FAT1: variants seen among roughly 807,000 people sequenced by gnomAD.
The protein encoded by FAT1 is FAT atypical cadherin 1.
FAT1 carries 171 observed loss-of-function variants against 329.8 expected under a neutral mutation model. The observed-to-expected ratio is 0.52, with a 90% CI of 0.46 to 0.59. The LOEUF (loss-of-function observed/expected upper bound fraction) is 0.59. Among genes scored for constraint, FAT1 ranks in the 20% least tolerant of loss-of-function variants. FAT1 has a pLI of 0.00. For missense variants in FAT1, 5,672 were observed against 5,774.4 expected (o/e 0.98, Z 0.57); for synonymous variants, 2,233 against 2,228.6 (o/e 1.00, Z -0.06).
rs562587924 is a variant in FAT1, at chr4:186,603,312, G to A, written c.11214C>T (p.Cys3738=). Residue 3738 remains cysteine (C), a synonymous_variant, in exon 19 of 27, where the codon TGC becomes TGT. Coordinates refer to ENST00000441802, the MANE Select transcript of FAT1 (RefSeq NM_005245.4). ...ACTTCCAGGGGCAGTCCAGTCCCGC[G>A]CAGAGTTTCTGGAATACATTCAGTA... ...VRILNVFQKL[C]AGLDCPWKFC... 7.4e-6 allele frequency: 12 copies of A among 1,613,930 alleles called. No individual in the cohort carries two copies. The highest frequency in any genetic ancestry group is 6.7e-5 in the East Asian group (3 of 44,860).
intron 9 of FAT1, among the ~76,000 whole-genome samples, chr4:186,625,466 T>A (rs749891796): frequency 1.4e-4 from 21 of 152,218 alleles, no homozygotes; most frequent in Non-Finnish European, 2.4e-4. Context: ...CTAGAACACA[T>A]CAGTAAGTTT....
At chr4:186,703,068 C>T (rs993054948) in intron 2 of FAT1, among the ~76,000 whole-genome samples, 1 of 152,142 alleles carries the variant, frequency 6.6e-6, no homozygotes, top group East Asian at 1.9e-4. Flanking sequence ...CCTTCCAGAC[C>T]TCACATGGAA....
chr4:186,609,874 G>T lies in FAT1; in HGVS notation c.9995C>A (p.Thr3332Asn). Residue 3332 changes from threonine (T) to asparagine (N), a missense_variant, in exon 15 of 27, where the codon ACC (threonine) becomes AAC (asparagine). Physicochemically the swap from Thr to Asn is moderately conservative, Grantham distance 65. This residue lies in a region of FAT1 where 1,706 missense variants were observed against 1,859.1 expected (regional missense o/e 0.92). Transcript: ENST00000441802. Reference protein sequence around the residue: ...NVNVTDINDNTPVFSQDTYTT... With the variant: ...NVNVTDINDNNPVFSQDTYTT... ...GTAGGTGTCTTGGCTGAACACAGGG[G>T]TATTATCGTTGATATCTGTTACATT... The T allele has an allele frequency of 1.9e-6, 3 of 1,613,540 alleles. No individual in the cohort carries two copies. The highest frequency in any genetic ancestry group is 2.5e-6 in the Non-Finnish European group (3 of 1,179,506).
At chr4:186,674,901 G>T (rs1390343059) in intron 2 of FAT1, among the ~76,000 whole-genome samples, 1 of 152,098 alleles carries the variant, frequency 6.6e-6, no homozygotes, top group Non-Finnish European at 1.5e-5. Flanking sequence ...AAGCATGGTG[G>T]CAGGCACCTG....
chr4:186,618,642 A>G lies in FAT1; in HGVS notation c.7944T>C (p.Ile2648=), dbSNP rs1185919188. ...TAGTGATTACGCCGGACAGTTTGTT[A>G]ATTTCCAAATTCTCTTTTACACTTT... ...DSESVKENLE[I]NKLSGVITTK... is the part of the protein sequence containing the mutation. The change falls in exon 10 of 27, where the codon ATT becomes ATC. Residue 2648 remains isoleucine, a synonymous_variant. Transcript: ENST00000441802. 6.2e-7 allele frequency: 1 copy of G among 1,613,998 alleles called. No individual in the cohort carries two copies. Among genetic ancestry groups the G allele is most frequent in the Non-Finnish European group, 8.5e-7 (1 of 1,179,902 alleles).
chr4:186,679,102 T>C (rs934545266), intron 2 of FAT1, among the ~76,000 whole-genome samples: 2 of 151,902 alleles, frequency 1.3e-5, no homozygotes, highest in South Asian at 2.1e-4. Flanking sequence ...TAGGCTGGGC[T>C]GGGCACGGTG....
At chr4:186,666,085 A>G (rs1415178932) in intron 2 of FAT1, among the ~76,000 whole-genome samples, 2 of 151,792 alleles carry the variant, frequency 1.3e-5, no homozygotes, top group Non-Finnish European at 1.5e-5. Flanking sequence ...TACCTAATGT[A>G]AATGATGAGT....
At chr4:186,605,311 GGGGA>G (rs1739060202) in intron 17 of FAT1, among the ~76,000 whole-genome samples, 2 of 66,086 alleles carry the variant, frequency 3.0e-5, no homozygotes, top group Non-Finnish European at 3.0e-5. Flanking sequence ...AAGTGAGAAG[GGGGA>G]GGAGGAGGGG....
intron 3 of FAT1, among the ~76,000 whole-genome samples, chr4:186,660,802 T>A (rs565795153): frequency 6.6e-6 from 1 of 152,312 alleles, no homozygotes; most frequent in African/African-American, 2.4e-5. Context: ...AGACACATCA[T>A]CATTTCTGGG....
rs1739885945 is a variant in FAT1 at position 186,619,067 on chromosome 4, G to T, written c.7519C>A (p.Leu2507Ile). 1 of 1,613,982 alleles carries T rather than the reference G, an allele frequency of 6.2e-7. No homozygotes were observed. Among genetic ancestry groups the T allele is most frequent in the Non-Finnish European group, 8.5e-7 (1 of 1,179,888 alleles). Residue 2507 changes from leucine (L) to isoleucine (I), a missense_variant, in exon 10 of 27, where the codon CTA becomes ATA. By Grantham distance (5) the Leu-to-Ile change is conservative. This residue lies in a region of FAT1 where 3,966 missense variants were observed against 3,915.2 expected (regional missense o/e 1.01). Coordinates refer to ENST00000441802, the MANE Select transcript of FAT1 (RefSeq NM_005245.4). Reference protein sequence around the residue: ...YEVELAENAPLHTLVMEVKTT... With the variant: ...YEVELAENAPIHTLVMEVKTT... ...TTCACCTCCATCACCAGGGTATGTA[G>T]GGGAGCGTTTTCAGCTAGTTCCACT...
chr4:186,619,379 C>G lies in FAT1; in HGVS notation c.7207G>C (p.Ala2403Pro). The G allele has an allele frequency of 6.2e-7, 1 of 1,613,952 alleles. No individual in the cohort carries two copies. Among genetic ancestry groups the G allele is most frequent in the African/African-American group, 1.3e-5 (1 of 75,044 alleles). Residue 2403 changes from alanine to proline, a missense_variant, in exon 10 of 27, where the codon GCC (alanine) becomes CCC (proline). Physicochemically the swap from Ala to Pro is conservative, Grantham distance 27. Transcript: ENST00000441802. ...CAGGTCACGAAATGCCCATGAGGGGCGTGCTCGCTAATTCTGGCTTCATAA... is the reference window on the plus strand; with the variant it reads ...CAGGTCACGAAATGCCCATGAGGGGGGTGCTCGCTAATTCTGGCTTCATAA... ...QIYEARISEHAPHGHFVTCVK... is the reference protein window; with the variant it reads ...QIYEARISEHPPHGHFVTCVK...
rs367784038 is a variant in FAT1 at position 186,596,966 on chromosome 4, T to C, written c.12574A>G (p.Ile4192Val). ...ACAAACACCACCACCAGTAAAAATATCCCTGCAACAAACACAACGATTCCA... is the reference window on the plus strand; with the variant it reads ...ACAAACACCACCACCAGTAAAAATACCCCTGCAACAAACACAACGATTCCA... The part of the protein sequence containing the change: ...GIGIVVFVAG[I>V]FLLVVVFVLC... The change falls in exon 25 of 27, where the codon ATA becomes GTA. Residue 4192 changes from isoleucine to valine, a missense_variant. Physicochemically the swap from Ile to Val is conservative, Grantham distance 29. Transcript: ENST00000441802. The surrounding 1 kb of genome is among the most constrained non-coding windows in gnomAD (Gnocchi z 4.7). The C allele has an allele frequency of 1.3e-5, 21 of 1,613,862 alleles. No individual in the cohort carries two copies. The highest frequency in any genetic ancestry group is 1.7e-5 in the Admixed American group (1 of 59,994).
rs2126422808 is a variant in FAT1, at chr4:186,602,923, C to A, written c.11462G>T (p.Gly3821Val). 2 of 1,613,916 alleles carry A rather than the reference C, an allele frequency of 1.2e-6. No homozygotes were observed. The highest frequency in any genetic ancestry group is 1.7e-6 in the Non-Finnish European group (2 of 1,179,822). Residue 3821 changes from glycine to valine, a missense_variant, in exon 20 of 27, where the codon GGC (glycine) becomes GTC (valine). Gly to Val is a moderately radical substitution (Grantham distance 109). Around this residue, in one of 2 missense-constraint regions of FAT1, gnomAD observed 1,706 missense variants for 1,859.1 expected, o/e 0.92. Coordinates refer to ENST00000441802, the MANE Select transcript of FAT1 (RefSeq NM_005245.4). ...EEKHTCVCPS[G>V]RFGQCPGSSS... is the part of the protein sequence containing the mutation. ...CTCACCTGGGCACTGACCAAACCTG[C>A]CGCTGGGACAGACACAGGTGTGTTT...
chr4:186,596,912 T>C lies in FAT1; in HGVS notation c.12628A>G (p.Lys4210Glu). Residue 4210 changes from lysine (K) to glutamate (E), a missense_variant, in exon 25 of 27, where the codon AAG (lysine) becomes GAG (glutamate). Physicochemically the swap from Lys to Glu is moderately conservative, Grantham distance 56. Coordinates refer to ENST00000441802, the MANE Select transcript of FAT1 (RefSeq NM_005245.4). The surrounding 1 kb of genome is among the most constrained non-coding windows in gnomAD (Gnocchi z 4.7). ...TCTTTAGGTTCAGCCTGATGCTTCT[T>C]TTTCCGACTAATCATCTTACGGCAG... ...VLCRKMISRK[K>E]KHQAEPKDKH... 1.2e-6 allele frequency: 2 copies of C among 1,613,962 alleles called. No individual in the cohort carries two copies. The highest frequency in any genetic ancestry group is 2.2e-5 in the South Asian group (2 of 91,070).
At chr4:186,685,107 C>T (rs1210430693) in intron 2 of FAT1, among the ~76,000 whole-genome samples, 3 of 152,136 alleles carry the variant, frequency 2.0e-5, no homozygotes, top group African/African-American at 7.2e-5. Flanking sequence ...CCTTATCTGG[C>T]GTTACTTTGA....
rs2126495572 is a variant in FAT1 at position 186,618,456 on chromosome 4, A to T, written c.8130T>A (p.Phe2710Leu). Residue 2710 changes from phenylalanine to leucine, a missense_variant, in exon 10 of 27, where the codon TTT becomes TTA. Physicochemically the swap from Phe to Leu is conservative, Grantham distance 22 (BLOSUM62 0). Transcript: ENST00000441802. ...LPKFSEPFYTFTVSEDVPIGT... is the reference protein window; with the variant it reads ...LPKFSEPFYTLTVSEDVPIGT... ...CAATAGGCACGTCCTCTGACACTGT[A>T]AAGGTATAGAAAGGTTCTGAAAATT... is the stretch of plus-strand genomic sequence containing the variant. 6.2e-7 allele frequency: 1 copy of T among 1,614,036 alleles called. No individual in the cohort carries two copies. Among genetic ancestry groups the T allele is most frequent in the Non-Finnish European group, 8.5e-7 (1 of 1,179,906 alleles).
At chr4:186,652,218 G>T (rs990258193) in intron 3 of FAT1, among the ~76,000 whole-genome samples, 13 of 152,172 alleles carry the variant, frequency 8.5e-5, no homozygotes, top group African/African-American at 2.9e-4. Flanking sequence ...ACAGGGAATT[G>T]CCTTCAGTGA....
chr4:186,604,831 G>T lies in FAT1; in HGVS notation c.10351-257C>A, dbSNP rs960393091. 1.2e-4 allele frequency among the ~76,000 whole-genome samples: 17 copies of T among 137,100 alleles called. No individual in the cohort carries two copies. In the East Asian group the frequency reaches 2.4e-3, roughly 19 times the overall value. The allele number at this position is 137,100 out of a possible 152,430, so 89.9% of individuals were successfully genotyped here. On this transcript the variant is annotated intron_variant, in intron 17 of 26. Coordinates refer to ENST00000441802, the MANE Select transcript of FAT1 (RefSeq NM_005245.4). ...AGAAAGGGAGTGTGAGGAGGAAGAG[G>T]GAGGAGGGGAAGCAGACACGAGGAG...
chr4:186,602,877 A>C (rs753999497), intron 20 of FAT1, 26 bp downstream of exon 20: 2 of 1,585,020 alleles, frequency 1.3e-6, no homozygotes, highest in Non-Finnish European at 1.7e-6. Flanking sequence ...TAAAAATAAA[A>C]GTATACCCAA....
Sources: gnomAD v4.1 joint callset for allele counts (sites outside exome capture counted in the v4.1 genomes callset) on GRCh38, gnomAD v4.1.1 for gene constraint, gnomAD v4.1.1 regional missense constraint, Gnocchi (gnomAD v3.1) non-coding constraint, MANE v1.5 for transcripts, NCBI Gene and HGNC (gene_info 2026-07-23, HGNC 2026-07-21) for gene names.